The following NAA25 variants were observed in gnomAD, a reference collection of about 807,000 sequenced individuals.
NAA25 encodes N-terminal acetyltransferase B complex subunit NAA25.
In NAA25, 30 loss-of-function variants were observed where a neutral mutation model predicts 132.5. The observed-to-expected ratio is 0.23, with a 90% CI of 0.17 to 0.31. NAA25 has a LOEUF of 0.31. Among genes scored for constraint, NAA25 ranks in the 10% least tolerant of loss-of-function variants. The pLI is 1.00. For missense variants in NAA25, 771 were observed against 1,150.4 expected (o/e 0.67, Z 4.77); for synonymous variants, 359 against 401.9 (o/e 0.89, Z 1.28).
chr12:112,048,189 C>A (rs984290987), intron 16 of NAA25, 103 bp downstream of exon 16: 31 of 1,142,154 alleles, frequency 2.7e-5, no homozygotes, highest in Non-Finnish European at 3.4e-5. Flanking sequence ...TTTTTTCCCC[C>A]TATTTTACCT....
rs796241170 is a variant in NAA25 at position 112,086,102 on chromosome 12, A to ACACACACACC, written c.402+1580_402+1581insGGTGTGTGTG. 7.8e-3 allele frequency among the ~76,000 whole-genome samples: 946 copies of ACACACACACC among 120,754 alleles called. 26 individuals are homozygous for ACACACACACC. The highest frequency in any genetic ancestry group is 0.024 in the African/African-American group (678 of 28,458). 79.2% of individuals were successfully genotyped at this position (120,754 alleles called of 152,430 possible). On this transcript the variant is annotated intron_variant, in intron 4 of 23. Transcript: ENST00000261745. ...CACACACACACACACACACACACAC[A>ACACACACACC]CCCATAACCATTTTACATTTTTAAA...
chr12:112,069,228 T>C, intron 10 of NAA25: 1 of 406,474 alleles, frequency 2.5e-6, no homozygotes, highest in South Asian at 2.7e-5. Context: ...AAAAATAGGC[T>C]GGATGCAGTA....
intron 4 of NAA25, among the ~76,000 whole-genome samples, chr12:112,086,219 G>C (rs2079054791): frequency 6.6e-6 from 1 of 150,548 alleles, no homozygotes; most frequent in African/African-American, 2.4e-5. Context: ...TCTCCAGCTG[G>C]GCGCACTGGC....
chr12:112,053,536 T>TA (rs1220361167), intron 15 of NAA25, 22 bp downstream of exon 15: 1 of 1,538,878 alleles, frequency 6.5e-7, no homozygotes, highest in Non-Finnish European at 8.9e-7. Flanking sequence ...AGATCACAGT[T>TA]AAAAAATAGT....
At chr12:112,045,391 G>T (rs994938570) in intron 17 of NAA25, among the ~76,000 whole-genome samples, 2 of 151,804 alleles carry the variant, frequency 1.3e-5, no homozygotes, top group Admixed American at 6.6e-5. Context: ...TGAGGCTAAG[G>T]CAGGAGAATT....
chr12:112,060,296 G>T lies in NAA25; in HGVS notation c.1421C>A (p.Ala474Glu). 6.2e-7 allele frequency: 1 copy of T among 1,613,080 alleles called. No individual in the cohort carries two copies. Among genetic ancestry groups the T allele is most frequent in the South Asian group, 1.1e-5 (1 of 90,994 alleles). ...TGTTTCCCTCCATACATCAATAAGC[G>T]CATGGACAGCAAGGAGACAGTAATA... is the stretch of plus-strand genomic sequence containing the variant. ...SDYYCLLAVHALIDVWRETGD... is the reference protein window; with the variant it reads ...SDYYCLLAVHELIDVWRETGD... Residue 474 changes from alanine (A) to glutamate (E), a missense_variant, in exon 13 of 24, where the codon GCG becomes GAG. Coordinates refer to ENST00000261745, the MANE Select transcript of NAA25 (RefSeq NM_024953.4).
intron 22 of NAA25, among the ~76,000 whole-genome samples, chr12:112,037,081 G>C (rs1465873491): frequency 6.6e-6 from 1 of 151,672 alleles, no homozygotes; most frequent in East Asian, 1.9e-4. Flanking sequence ...AGTATGTGGA[G>C]CATTTATGCT....
chr12:112,092,120 A>C (rs1275480485), intron 2 of NAA25, among the ~76,000 whole-genome samples: 1 of 152,060 alleles, frequency 6.6e-6, no homozygotes, highest in Non-Finnish European at 1.5e-5. Flanking sequence ...ACGCGCCTGT[A>C]GTCCCAGCTA....
intron 5 of NAA25, among the ~76,000 whole-genome samples, chr12:112,080,447 G>A (rs2078956914): frequency 6.6e-6 from 1 of 152,034 alleles, no homozygotes; most frequent in South Asian, 2.1e-4. Flanking sequence ...TGAGGCAGAA[G>A]GATTGCTTGA....
At chr12:112,071,537 G>A (rs1204640957) in intron 10 of NAA25, among the ~76,000 whole-genome samples, 1 of 151,832 alleles carries the variant, frequency 6.6e-6, no homozygotes, top group Non-Finnish European at 1.5e-5. Flanking sequence ...TCACCATGTT[G>A]CCCCAGCTGA....
chr12:112,052,849 A>C (rs1447942838), intron 15 of NAA25, among the ~76,000 whole-genome samples: 3 of 152,238 alleles, frequency 2.0e-5, no homozygotes, highest in Non-Finnish European at 4.4e-5. Context: ...GTGAAAACCA[A>C]GTAGGCAGTG....
At chr12:112,096,139 T>G (rs1270580050) in intron 1 of NAA25, among the ~76,000 whole-genome samples, 1 of 152,208 alleles carries the variant, frequency 6.6e-6, no homozygotes, top group Non-Finnish European at 1.5e-5. Context: ...TTTTATGCTC[T>G]AAAAACAGTC....
intron 10 of NAA25, among the ~76,000 whole-genome samples, chr12:112,069,582 A>G (rs2078772131): frequency 6.6e-6 from 1 of 151,380 alleles, no homozygotes; most frequent in Admixed American, 6.6e-5. Flanking sequence ...GCACTTTGGG[A>G]GGCCAAGGCA....
At chr12:112,097,763 G>A (rs1359753705) in intron 1 of NAA25, among the ~76,000 whole-genome samples, 1 of 152,094 alleles carries the variant, frequency 6.6e-6, no homozygotes, top group Non-Finnish European at 1.5e-5. Context: ...ACAGCTTGGT[G>A]TGGCTACAAA....
At chr12:112,096,987 T>C (rs1445692543) in intron 1 of NAA25, among the ~76,000 whole-genome samples, 1 of 152,050 alleles carries the variant, frequency 6.6e-6, no homozygotes. Context: ...GTTGACGAGG[T>C]TCTGATATAA....
chr12:112,081,214 T>C, intron 4 of NAA25, 80 bp from the exon 5 acceptor site: 1 of 1,197,592 alleles, frequency 8.4e-7, no homozygotes, highest in Non-Finnish European at 1.2e-6. Flanking sequence ...GACAAAAAGT[T>C]TCTTGGGAGA....
intron 1 of NAA25, 38 bp downstream of exon 1, chr12:112,108,678 G>T: frequency 7.0e-7 from 1 of 1,435,054 alleles, no homozygotes; most frequent in South Asian, 1.4e-5. Flanking sequence ...AGCCCTCGGC[G>T]CGTCGGGCTG....
At chr12:112,108,022 G>A (rs942400037) in intron 1 of NAA25, among the ~76,000 whole-genome samples, 8 of 152,120 alleles carry the variant, frequency 5.3e-5, no homozygotes, top group Non-Finnish European at 1.2e-4. Flanking sequence ...CTGCAGAAAG[G>A]AGAAGCCCTC....
intron 4 of NAA25, among the ~76,000 whole-genome samples, chr12:112,086,073 T>TATATATATATATACACACACACAC (rs759148501): frequency 1.1e-4 from 6 of 53,986 alleles, no homozygotes; most frequent in African/African-American, 7.2e-4. Flanking sequence ...TATATATATA[T>TATATATATATATACACACACACAC]ACACACACAC....
Sources: gnomAD v4.1 joint callset for allele counts (sites outside exome capture counted in the v4.1 genomes callset) on GRCh38, gnomAD v4.1.1 for gene constraint, MANE v1.5 for transcripts, NCBI Gene and HGNC (gene_info 2026-07-23, HGNC 2026-07-21) for gene names.